The following ITK variants were observed in gnomAD, a reference collection of about 807,000 sequenced individuals.
ITK encodes IL2 inducible T cell kinase.
In ITK, 45 loss-of-function variants were observed where a neutral mutation model predicts 87.6. That is an observed-to-expected ratio of 0.51 (90% CI 0.40 to 0.66). The LOEUF (loss-of-function observed/expected upper bound fraction) is 0.66, where lower values mean the gene tolerates loss of function less well. Ranked by LOEUF, ITK falls within the 30% of genes least tolerant of loss-of-function variation. The pLI is 0.00. For missense variants in ITK, 605 were observed against 766.3 expected (o/e 0.79, Z 2.48); for synonymous variants, 303 against 273.6 (o/e 1.11, Z -1.06).
At chr5:157,234,350 A>G (rs1754733379) in intron 8 of ITK, among the ~76,000 whole-genome samples, 1 of 152,156 alleles carries the variant, frequency 6.6e-6, no homozygotes, top group South Asian at 2.1e-4. Context: ...GAGGGCAAAC[A>G]TCAATGGGTC....
chr5:157,218,224 G>A (rs1348552043), intron 5 of ITK, among the ~76,000 whole-genome samples: 1 of 152,168 alleles, frequency 6.6e-6, no homozygotes, highest in Non-Finnish European at 1.5e-5. Context: ...ATAAAAGTGT[G>A]TCTGGCATGG....
At chr5:157,205,303 C>T (rs1032195050) in intron 1 of ITK, among the ~76,000 whole-genome samples, 1 of 152,148 alleles carries the variant, frequency 6.6e-6, no homozygotes, top group Non-Finnish European at 1.5e-5. Context: ...CTACTTTAAA[C>T]ATAGCTTTCC....
Position 157,222,948 on chromosome 5 carries a change from G to T in ITK, c.581G>T (p.Arg194Leu), listed in dbSNP as rs755761978. Reference sequence around the variant, plus strand: ...GATCCTCAGGAACTCGCACTGCGGCGCAACGAAGAGTACTGCCTGCTGGAC... The same window carrying T: ...GATCCTCAGGAACTCGCACTGCGGCTCAACGAAGAGTACTGCCTGCTGGAC... The part of the protein sequence containing the change: ...TNDPQELALR[R>L]NEEYCLLDSS... The change falls in exon 6 of 17, where the codon CGC (arginine) becomes CTC (leucine). Residue 194 changes from arginine to leucine, a missense_variant. Arg to Leu is a moderately radical substitution (Grantham distance 102). This residue lies in a region of ITK where 464 missense variants were observed against 578.0 expected (regional missense o/e 0.80). Coordinates refer to ENST00000422843, the MANE Select transcript of ITK (RefSeq NM_005546.4). 1.2e-6 allele frequency: 2 copies of T among 1,613,958 alleles called. No individual in the cohort carries two copies. The highest frequency in any genetic ancestry group is 2.2e-5 in the East Asian group (1 of 44,876).
chr5:157,249,103 A>G (rs541817671), intron 16 of ITK, 96 bp downstream of exon 16: 17 of 1,036,908 alleles, frequency 1.6e-5, no homozygotes, highest in Middle Eastern at 2.9e-4. Flanking sequence ...AGGATGAGGC[A>G]GGAGGGATAA....
intron 1 of ITK, among the ~76,000 whole-genome samples, chr5:157,207,101 C>A (rs920618350): frequency 6.6e-6 from 1 of 151,990 alleles, no homozygotes; most frequent in Non-Finnish European, 1.5e-5. Flanking sequence ...GCTTATATAA[C>A]CATGGTCATC....
At chr5:157,214,733 A>G (rs747880805) in intron 4 of ITK, among the ~76,000 whole-genome samples, 11 of 152,328 alleles carry the variant, frequency 7.2e-5, no homozygotes, top group South Asian at 2.1e-4. Context: ...AGGCAGCCTT[A>G]AGAGATATAA....
chr5:157,189,603 C>T (rs551766861), intron 1 of ITK, among the ~76,000 whole-genome samples: 3 of 152,300 alleles, frequency 2.0e-5, no homozygotes, highest in African/African-American at 7.2e-5. Flanking sequence ...ATTGCTTGAA[C>T]CCAGGAGGCA....
At chr5:157,217,995 A>C in intron 5 of ITK, 88 bp downstream of exon 5, 8 of 1,171,884 alleles carry the variant, frequency 6.8e-6, no homozygotes, top group Non-Finnish European at 1.0e-5. Context: ...CTCTCCCCAT[A>C]GTTTTCAAAC....
At chr5:157,228,602 A>G (rs1754584696) in intron 7 of ITK, among the ~76,000 whole-genome samples, 1 of 152,220 alleles carries the variant, frequency 6.6e-6, no homozygotes, top group Non-Finnish European at 1.5e-5. Context: ...TTTTTGTGCC[A>G]GAAAGTAAAG....
chr5:157,182,257 TTGTTGG>T (rs1219767520), intron 1 of ITK, among the ~76,000 whole-genome samples: 2 of 152,136 alleles, frequency 1.3e-5, no homozygotes, highest in Admixed American at 1.3e-4. Flanking sequence ...CTCCAGTTCT[TTGTTGG>T]AGTCTGACTT....
intron 5 of ITK, among the ~76,000 whole-genome samples, chr5:157,222,307 C>T (rs13153234): frequency 0.016 from 2,493 of 152,098 alleles, 29 homozygotes; most frequent in Non-Finnish European, 0.027. Context: ...ATAGAGCCTA[C>T]AGGAGAAGGA....
chr5:157,207,188 CT>C (rs1754096206), intron 1 of ITK, among the ~76,000 whole-genome samples: 1 of 152,004 alleles, frequency 6.6e-6, no homozygotes, highest in Non-Finnish European at 1.5e-5. Context: ...TGTCCCAACT[CT>C]CAGAGACAGA....
chr5:157,206,246 C>T (rs1353013210), intron 1 of ITK, among the ~76,000 whole-genome samples: 3 of 152,094 alleles, frequency 2.0e-5, no homozygotes, highest in African/African-American at 4.8e-5. Context: ...TGAGCCACCA[C>T]GCCTGGCTGG....
chr5:157,209,804 C>T (rs30130), intron 2 of ITK, among the ~76,000 whole-genome samples: 109,919 of 152,080 alleles, frequency 0.72, 40,049 homozygotes, highest in East Asian at 0.98. Context: ...ATGTATTAAA[C>T]GATATTAAAA....
intron 1 of ITK, among the ~76,000 whole-genome samples, chr5:157,207,342 CA>C (rs1424533973): frequency 6.9e-6 from 1 of 144,902 alleles, no homozygotes; most frequent in East Asian, 2.1e-4. Context: ...AGACACACCC[CA>C]AAATAATGCT....
At chr5:157,181,509 A>T (rs894216294) in intron 1 of ITK, among the ~76,000 whole-genome samples, 3 of 152,224 alleles carry the variant, frequency 2.0e-5, no homozygotes, top group Admixed American at 1.3e-4. Context: ...CAACACTAGC[A>T]TTCAATGGGA....
chr5:157,198,552 A>G (rs1167452000), intron 1 of ITK, among the ~76,000 whole-genome samples: 1 of 152,154 alleles, frequency 6.6e-6, no homozygotes, highest in Non-Finnish European at 1.5e-5. Flanking sequence ...TGTGGGATGG[A>G]TCAGTTTCCT....
rs540570688 is a variant in ITK, at chr5:157,196,248, A to C, written c.139-12641A>C. On this transcript the variant is annotated intron_variant, in intron 1 of 16. Transcript: ENST00000422843. The stretch of plus-strand genomic sequence containing the variant: ...CTGTTATTTTGTTGACTATGAGCAA[A>C]TTACTCTCTACAGAAGTTGTACCAG... Among the ~76,000 whole-genome samples, 214 of 152,314 alleles carry C rather than the reference A, an allele frequency of 1.4e-3. 1 individual carries two copies. The highest frequency in any genetic ancestry group is 1.8e-3 in the Non-Finnish European group (122 of 68,030).
intron 2 of ITK, among the ~76,000 whole-genome samples, chr5:157,209,720 A>G (rs1323994251): frequency 6.6e-6 from 1 of 152,198 alleles, no homozygotes; most frequent in Non-Finnish European, 1.5e-5. Flanking sequence ...TTCAGATTTT[A>G]TAATCTGAGG....
Sources: allele counts gnomAD v4.1 joint callset (sites outside exome capture counted in the v4.1 genomes callset), GRCh38; gene constraint gnomAD v4.1.1; regional missense constraint gnomAD v4.1.1; transcripts MANE v1.5; gene names NCBI Gene and HGNC (gene_info 2026-07-23, HGNC 2026-07-21).